UBR3: variants seen among roughly 807,000 people sequenced by gnomAD.
UBR3 encodes the protein ubiquitin protein ligase E3 component n-recognin 3.
Under a neutral mutation model 243.2 loss-of-function variants are expected in UBR3, and 85 were observed. The observed-to-expected ratio is 0.35, with a 90% CI of 0.29 to 0.42. The LOEUF (loss-of-function observed/expected upper bound fraction) is 0.42. UBR3 is among the 10% of genes least tolerant of loss of function. The pLI, the probability that UBR3 is intolerant of heterozygous loss-of-function variation, is 1.00. For missense variants in UBR3, 1,686 were observed against 2,300.8 expected (o/e 0.73, Z 5.47); for synonymous variants, 748 against 799.8 (o/e 0.94, Z 1.09).
chr2:170,051,930 C>G (rs2091227915), intron 32 of UBR3, among the ~76,000 whole-genome samples: 1 of 151,892 alleles, frequency 6.6e-6, no homozygotes. Flanking sequence ...TATTTACTGT[C>G]CTCTTCCTTC....
chr2:170,067,506 T>C (rs908598445), intron 35 of UBR3, among the ~76,000 whole-genome samples: 10 of 152,114 alleles, frequency 6.6e-5, no homozygotes, highest in Non-Finnish European at 1.2e-4. Context: ...AACACTATTA[T>C]GACATAACTA....
At chr2:169,999,397 C>T (rs2089611023) in intron 26 of UBR3, among the ~76,000 whole-genome samples, 1 of 152,208 alleles carries the variant, frequency 6.6e-6, no homozygotes, top group Admixed American at 6.5e-5. Flanking sequence ...CTATGTAATA[C>T]ACAGTACTTT....
intron 2 of UBR3, among the ~76,000 whole-genome samples, chr2:169,875,012 A>C (rs1280623166): frequency 7.2e-6 from 1 of 139,194 alleles, no homozygotes; most frequent in Admixed American, 7.4e-5. Flanking sequence ...CTTTCTCTCC[A>C]TCTCTATTTG....
intron 24 of UBR3, among the ~76,000 whole-genome samples, chr2:169,976,468 C>T (rs2088450851): frequency 6.6e-6 from 1 of 152,110 alleles, no homozygotes; most frequent in African/African-American, 2.4e-5. Flanking sequence ...CCCTCAGTTT[C>T]TCCTTGTCTA....
rs548796443 is a variant in UBR3 at position 169,842,451 on chromosome 2, T to G, written c.545+14399T>G. Reference sequence around the variant, plus strand: ...CTGCCCTAGCCAGCATTGGCAACCCTCTCGGGTCCCCTTCCACACTGTGGA... The same window carrying G: ...CTGCCCTAGCCAGCATTGGCAACCCGCTCGGGTCCCCTTCCACACTGTGGA... On this transcript the variant is annotated intron_variant, in intron 1 of 38. Coordinates refer to ENST00000272793, the MANE Select transcript of UBR3 (RefSeq NM_172070.4). 5.6e-3 allele frequency among the ~76,000 whole-genome samples: 844 copies of G among 152,040 alleles called. 7 individuals carry two copies. Among genetic ancestry groups the G allele is most frequent in the African/African-American group, 0.019 (796 of 41,330 alleles).
intron 25 of UBR3, 75 bp from the exon 26 acceptor site, chr2:169,994,248 A>G: frequency 6.6e-7 from 1 of 1,508,856 alleles, no homozygotes; most frequent in Admixed American, 1.8e-5. Flanking sequence ...GTGGTAAATA[A>G]CTCAGCTTTT....
chr2:170,005,144 A>G (rs1383902479), intron 27 of UBR3, among the ~76,000 whole-genome samples: 2 of 152,164 alleles, frequency 1.3e-5, no homozygotes, highest in Non-Finnish European at 2.9e-5. Flanking sequence ...GAATGGCATG[A>G]ACCCTGGAGG....
chr2:170,073,473 C>T lies in UBR3; in HGVS notation c.5065C>T (p.Pro1689Ser). 5 of 1,613,722 alleles carry T rather than the reference C, an allele frequency of 3.1e-6. No individual in the cohort carries two copies. The highest frequency in any genetic ancestry group is 3.4e-6 in the Non-Finnish European group (4 of 1,179,692). ...TCTTGCCAGCTGCCTGGGACTTCTGCCAACGTTTTACCAAACAGAACATCC... is the reference window on the plus strand; with the variant it reads ...TCTTGCCAGCTGCCTGGGACTTCTGTCAACGTTTTACCAAACAGAACATCC... ...SVLASCLGLL[P>S]TFYQTEHPFI... The change falls in exon 36 of 39, where the codon CCA (proline) becomes TCA (serine). Residue 1689 changes from proline to serine, a missense_variant. Pro to Ser is a moderately conservative substitution (Grantham distance 74). This residue lies in a region of UBR3 where 371 missense variants were observed against 422.5 expected (regional missense o/e 0.88). Coordinates refer to ENST00000272793, the MANE Select transcript of UBR3 (RefSeq NM_172070.4).
At chr2:169,995,198 C>T (rs574742678) in intron 26 of UBR3, among the ~76,000 whole-genome samples, 6 of 151,866 alleles carry the variant, frequency 4.0e-5, no homozygotes, top group Non-Finnish European at 5.9e-5. Flanking sequence ...TCAGTGAACC[C>T]GCATATTTGT....
intron 24 of UBR3, among the ~76,000 whole-genome samples, chr2:169,971,734 A>G (rs929572230): frequency 1.3e-5 from 2 of 152,152 alleles, no homozygotes; most frequent in African/African-American, 4.8e-5. Flanking sequence ...TGTAGCCAAC[A>G]TACCAGAATC....
intron 22 of UBR3, 46 bp downstream of exon 22, chr2:169,947,761 T>C (rs2086843188): frequency 3.6e-6 from 5 of 1,382,200 alleles, no homozygotes; most frequent in Non-Finnish European, 4.7e-6. Context: ...CTTTATGTTA[T>C]GTATGTTATG....
chr2:170,019,336 G>A (rs200881831), intron 30 of UBR3, among the ~76,000 whole-genome samples: 80 of 152,248 alleles, frequency 5.3e-4, no homozygotes, highest in Non-Finnish European at 6.8e-4. Flanking sequence ...ATCTGTGCAG[G>A]CAACTTAAAA....
rs60323199 is a variant in UBR3, at chr2:169,865,683, A to G, written c.546-6553A>G. 4.4e-3 allele frequency among the ~76,000 whole-genome samples: 675 copies of G among 152,086 alleles called. 6 individuals are homozygous for G. The highest frequency in any genetic ancestry group is 0.015 in the African/African-American group (638 of 41,472). On this transcript the variant is annotated intron_variant, in intron 1 of 38. Transcript: ENST00000272793. The stretch of plus-strand genomic sequence containing the variant: ...CTGCTTTCCAGCTCTCAATTCTTTT[A>G]TTGCATCCTTCAGTTTCATGCCCAA...
chr2:169,912,117 A>G (rs1357719160), intron 10 of UBR3, among the ~76,000 whole-genome samples: 3 of 152,218 alleles, frequency 2.0e-5, no homozygotes, highest in African/African-American at 2.4e-5. Flanking sequence ...GCATATTTAT[A>G]TAATTTACAT....
At chr2:170,066,016 A>G (rs1300136542) in intron 35 of UBR3, among the ~76,000 whole-genome samples, 1 of 149,706 alleles carries the variant, frequency 6.7e-6, no homozygotes, top group Non-Finnish European at 1.5e-5. Context: ...TTTAAGAGTT[A>G]TGTTTTCTAT....
At chr2:169,987,804 A>G (rs1406656428) in intron 25 of UBR3, among the ~76,000 whole-genome samples, 1 of 152,134 alleles carries the variant, frequency 6.6e-6, no homozygotes, top group African/African-American at 2.4e-5. Context: ...CTGAATTAGT[A>G]GGGTAAAGTG....
intron 24 of UBR3, among the ~76,000 whole-genome samples, chr2:169,982,296 C>G (rs904996332): frequency 6.6e-6 from 1 of 152,038 alleles, no homozygotes. Flanking sequence ...CCACAAAACC[C>G]ACAAACATGA....
At chr2:169,836,004 T>C (rs1400143370) in intron 1 of UBR3, among the ~76,000 whole-genome samples, 4,294 of 17,892 alleles carry the variant, frequency 0.24, 547 homozygotes, top group East Asian at 0.37. Context: ...TCTCTCTCTC[T>C]CTCTCTCTCT....
intron 6 of UBR3, among the ~76,000 whole-genome samples, chr2:169,893,926 A>G (rs2084473345): frequency 6.6e-6 from 1 of 151,788 alleles, no homozygotes; most frequent in Non-Finnish European, 1.5e-5. Flanking sequence ...CCCTGTTTTT[A>G]TTACTTTTTA....
Sources: allele counts gnomAD v4.1 joint callset (sites outside exome capture counted in the v4.1 genomes callset), GRCh38; gene constraint gnomAD v4.1.1; regional missense constraint gnomAD v4.1.1; transcripts MANE v1.5; gene names NCBI Gene and HGNC (gene_info 2026-07-23, HGNC 2026-07-21).